NDUFB2: variants seen among roughly 807,000 people sequenced by gnomAD.
NDUFB2 encodes the protein NADH dehydrogenase [ubiquinone] 1 beta subcomplex subunit 2, mitochondrial.
NDUFB2 carries 13 observed loss-of-function variants against 13.4 expected under a neutral mutation model. That is an observed-to-expected ratio of 0.97 (90% confidence interval 0.63 to 1.54). The LOEUF (loss-of-function observed/expected upper bound fraction) is 1.54, where lower values mean the gene tolerates loss of function less well. Ranked by LOEUF, NDUFB2 falls within the 40% of genes most tolerant of loss-of-function variation. The pLI, the probability that NDUFB2 is intolerant of heterozygous loss-of-function variation, is 0.00. For synonymous variants in NDUFB2, 47 were observed against 50.6 expected (o/e 0.93, Z 0.30); for missense variants, 150 against 139.7 (o/e 1.07, Z -0.37).
At chr7:140,697,435 G>A in intron 1 of NDUFB2, 4 of 702,618 alleles carry the variant, frequency 5.7e-6, no homozygotes, top group Middle Eastern at 2.3e-4. Context: ...GGGCAGCCGT[G>A]GCGTTTAGGA....
At chr7:140,701,731 G>A (rs915745818) in intron 1 of NDUFB2, 3 of 219,404 alleles carry the variant, frequency 1.4e-5, no homozygotes, top group African/African-American at 4.6e-5. Context: ...TCAGGAGTTC[G>A]AGACCAGTCT....
chr7:140,701,631 C>CT (rs1295846289), intron 1 of NDUFB2, among the ~76,000 whole-genome samples: 1 of 151,812 alleles, frequency 6.6e-6, no homozygotes, highest in Non-Finnish European at 1.5e-5. Context: ...CAGAGCCTAT[C>CT]TTTAAAAAAA....
intron 1 of NDUFB2, chr7:140,698,003 A>G (rs1794840779): frequency 2.3e-6 from 3 of 1,288,598 alleles, no homozygotes; most frequent in Admixed American, 2.3e-5. Flanking sequence ...TGGTCTCACT[A>G]AAGTGTTTAA....
At chr7:140,697,402 CAGAAAGCCGGA>C in intron 1 of NDUFB2, 1 of 702,672 alleles carries the variant, frequency 1.4e-6, no homozygotes, top group Non-Finnish European at 2.6e-6. Flanking sequence ...GTGAGAGGAG[CAGAAAGCCGGA>C]AGCCAACGCT....
Position 140,699,961 on chromosome 7 carries a change from T to A in NDUFB2, c.99-2905T>A, listed in dbSNP as rs906713201. On this transcript the variant is annotated intron_variant, in intron 1 of 3. Coordinates refer to ENST00000247866, the MANE Select transcript of NDUFB2 (RefSeq NM_004546.3). ...TCATGGCAATCCTTGTCATTGTTCC[T>A]GTGATATAATTGCAGACTTTCAAAT... 5.3e-5 allele frequency among the ~76,000 whole-genome samples: 8 copies of A among 151,490 alleles called. No individual in the cohort carries two copies. In the Admixed American group the frequency reaches 5.3e-4, roughly 10 times the overall value.
At chr7:140,698,346 T>A (rs1285371162) in intron 1 of NDUFB2, 1 of 1,338,556 alleles carries the variant, frequency 7.5e-7, no homozygotes, top group Non-Finnish European at 9.9e-7. Context: ...GAGCATCTTC[T>A]ATATGGCTGC....
In NDUFB2 at chr7:140,704,970, G is replaced by A. The variant is rs1348556784; in HGVS notation, c.*29+7G>A. The A allele has an allele frequency of 2.1e-5, 29 of 1,399,860 alleles. No homozygotes were observed. Among genetic ancestry groups the A allele is most frequent in the Non-Finnish European group, 2.7e-5 (28 of 1,040,432 alleles). 86.7% of individuals were successfully genotyped at this position (1,399,860 alleles called of 1,614,324 possible). Reference sequence around the variant, plus strand: ...TCAGCCTCACTCTGTACAAGTGGGTGTGCTCCAAATTTCTTTATGTCATAT... The same window carrying A: ...TCAGCCTCACTCTGTACAAGTGGGTATGCTCCAAATTTCTTTATGTCATAT... On this transcript the variant is annotated splice_region_variant and intron_variant, in intron 3 of 3. Coordinates refer to ENST00000247866, the MANE Select transcript of NDUFB2 (RefSeq NM_004546.3).
At chr7:140,697,357 G>C (rs1033636169) in intron 1 of NDUFB2, 4 of 702,858 alleles carry the variant, frequency 5.7e-6, no homozygotes, top group Non-Finnish European at 5.2e-6. Flanking sequence ...TGGCTGCAGG[G>C]AGTGGAGGCT....
chr7:140,701,950 A>T, intron 1 of NDUFB2: 1 of 648,062 alleles, frequency 1.5e-6, no homozygotes, highest in Non-Finnish European at 2.8e-6. Context: ...ACAAACAAAG[A>T]AAACAAACAG....
chr7:140,697,508 G>A, intron 1 of NDUFB2: 2 of 444,360 alleles, frequency 4.5e-6, no homozygotes, highest in Non-Finnish European at 7.3e-6. Context: ...GGAGGGCTGG[G>A]GGTGCGAGGT....
At chr7:140,703,096 C>G (rs1029507503) in intron 2 of NDUFB2, 86 bp downstream of exon 2, 1 of 1,530,398 alleles carries the variant, frequency 6.5e-7, no homozygotes, top group Non-Finnish European at 8.9e-7. Flanking sequence ...TGTTGTAGAC[C>G]ATTTTTCTGT....
At position 140,704,919 on chromosome 7, in the gene NDUFB2, T is replaced by C. The variant is rs142957895; in HGVS notation, c.303T>C (p.Pro101=). 220 of 1,602,774 alleles carry C rather than the reference T, an allele frequency of 1.4e-4. No individual in the cohort carries two copies. Among genetic ancestry groups the C allele is most frequent in the Non-Finnish European group, 1.8e-4 (209 of 1,174,594 alleles). The change falls in exon 3 of 4, where the codon CCT becomes CCC. Residue 101 remains proline (P), a synonymous_variant. Coordinates refer to ENST00000247866, the MANE Select transcript of NDUFB2 (RefSeq NM_004546.3). ...CAGATGAAGAATTAGGTATCCCTCC[T>C]GATGATGAAGACTGAAGGTGTAGAC... ...QWTDEELGIP[P]DDED is the part of the protein sequence containing the mutation.
intron 1 of NDUFB2, chr7:140,698,028 C>T: frequency 7.7e-7 from 1 of 1,291,342 alleles, no homozygotes; most frequent in Non-Finnish European, 1.0e-6. Context: ...ATTGCTGGTG[C>T]CTGCTAAGGA....
intron 1 of NDUFB2, chr7:140,702,188 A>G: frequency 3.4e-6 from 2 of 585,046 alleles, no homozygotes; most frequent in Non-Finnish European, 6.1e-6. Flanking sequence ...TAGCATATAT[A>G]TGGCTGATGA....
chr7:140,697,178 C>T, intron 1 of NDUFB2: 1 of 597,042 alleles, frequency 1.7e-6, no homozygotes, highest in Admixed American at 3.0e-5. Flanking sequence ...GCAGCGTGCG[C>T]GGCGGGTGTG....
chr7:140,705,075 G>T, intron 3 of NDUFB2, 112 bp downstream of exon 3: 4 of 465,954 alleles, frequency 8.6e-6, no homozygotes, highest in Non-Finnish European at 1.5e-5. Flanking sequence ...ACAGCATGAA[G>T]TTGAGTTAAC....
intron 1 of NDUFB2, among the ~76,000 whole-genome samples, chr7:140,701,484 G>A (rs1422404994): frequency 1.3e-5 from 2 of 152,140 alleles, no homozygotes; most frequent in Non-Finnish European, 1.5e-5. Flanking sequence ...GCCAGGTCTG[G>A]GGGTGTACAC....
In NDUFB2 at chr7:140,696,853, G is replaced by A; in HGVS notation, c.98+11G>A. The A allele has an allele frequency of 6.3e-7, 1 of 1,595,164 alleles. No homozygotes were observed. The highest frequency in any genetic ancestry group is 8.5e-7 in the Non-Finnish European group (1 of 1,171,120). ...TGGTGGAGTCCGTCAGTGAGTGTGG[G>A]GCTGGGGATGGGGGCCTCGCCGGCC... is the stretch of plus-strand genomic sequence containing the variant. On this transcript the variant is annotated intron_variant, in intron 1 of 3. Transcript: ENST00000247866.
intron 2 of NDUFB2, among the ~76,000 whole-genome samples, chr7:140,703,296 GAC>G (rs1404042849): frequency 2.4e-5 from 3 of 122,878 alleles, no homozygotes; most frequent in Non-Finnish European, 4.9e-5. Flanking sequence ...TTTTTTTTGA[GAC>G]ACAGTTTCAC....
Sources: gnomAD v4.1 joint callset for allele counts (sites outside exome capture counted in the v4.1 genomes callset) on GRCh38, gnomAD v4.1.1 for gene constraint, MANE v1.5 for transcripts, NCBI Gene and HGNC (gene_info 2026-07-23, HGNC 2026-07-21) for gene names.